Variants in CCDC170 observed in about 807,000 individuals in gnomAD.
The protein encoded by CCDC170 is coiled-coil domain containing 170.
A neutral mutation model predicts 72.6 loss-of-function variants in CCDC170; 69 were observed. The observed-to-expected ratio is 0.95, with a 90% CI of 0.78 to 1.16. The LOEUF is 1.16. Ranked by LOEUF, CCDC170 falls within the 50% of genes most tolerant of loss-of-function variation. The pLI is 0.00. For synonymous variants in CCDC170, 300 were observed against 303.9 expected (o/e 0.99, Z 0.13); for missense variants, 852 against 832.5 (o/e 1.02, Z -0.29).
At chr6:151,547,786 C>T (rs1419493104) in intron 4 of CCDC170, among the ~76,000 whole-genome samples, 1 of 152,194 alleles carries the variant, frequency 6.6e-6, no homozygotes, top group Non-Finnish European at 1.5e-5. Context: ...CAATGCACAA[C>T]ATAGTGAGCA....
At chr6:151,513,613 C>CAAAAA (rs71014591) in intron 1 of CCDC170, among the ~76,000 whole-genome samples, 2 of 46,010 alleles carry the variant, frequency 4.3e-5, no homozygotes, top group Non-Finnish European at 7.4e-5. Context: ...GGCTCCGTCT[C>CAAAAA]AAAAAAAAAA....
At chr6:151,538,495 A>G (rs1046671055) in intron 3 of CCDC170, among the ~76,000 whole-genome samples, 194 bp downstream of exon 3, 2 of 152,222 alleles carry the variant, frequency 1.3e-5, no homozygotes. Context: ...AATGTCATCA[A>G]GAGTCTTAAC....
intron 1 of CCDC170, among the ~76,000 whole-genome samples, chr6:151,517,526 G>A (rs182638774): frequency 6.3e-4 from 95 of 150,442 alleles, no homozygotes; most frequent in African/African-American, 2.2e-3. Context: ...TCTGCCTCCT[G>A]GGTTCAAGCA....
chr6:151,537,534 T>G (rs1562275061), intron 2 of CCDC170, among the ~76,000 whole-genome samples: 1 of 152,082 alleles, frequency 6.6e-6, no homozygotes, highest in Non-Finnish European at 1.5e-5. Flanking sequence ...TCTTTTCTCC[T>G]ATGTTTTTTT....
Position 151,536,441 on chromosome 6 carries a change from T to G in CCDC170, c.181T>G (p.Ser61Ala), listed in dbSNP as rs749422970. ...TTTGGTCAAATTTGAATGTGCTCAG[T>G]CTGAGGTAAGATAATGCATTTCCAG... ...ATLVKFECAQ[S>A]ELQDLRSKML... Residue 61 changes from serine (S) to alanine (A), a missense_variant, in exon 2 of 11, where the codon TCT becomes GCT. Transcript: ENST00000239374. 1.2e-5 allele frequency: 20 copies of G among 1,613,848 alleles called. No homozygotes were observed. Among genetic ancestry groups the G allele is most frequent in the Non-Finnish European group, 1.6e-5 (19 of 1,179,942 alleles).
intron 5 of CCDC170, among the ~76,000 whole-genome samples, chr6:151,549,983 A>G (rs995431231): frequency 2.6e-5 from 4 of 152,010 alleles, no homozygotes; most frequent in Admixed American, 2.0e-4. Context: ...GCCAAAGGAC[A>G]TGGACCTTGT....
chr6:151,612,572 C>G (rs1012935696), intron 9 of CCDC170, among the ~76,000 whole-genome samples: 1 of 152,148 alleles, frequency 6.6e-6, no homozygotes, highest in Non-Finnish European at 1.5e-5. Flanking sequence ...TTTCCTGCAG[C>G]CTAGTTAGCA....
In CCDC170 at chr6:151,518,282, T is replaced by G. The variant is rs527953250; in HGVS notation, c.58-18036T>G. On this transcript the variant is annotated intron_variant, in intron 1 of 10. Coordinates refer to ENST00000239374, the MANE Select transcript of CCDC170 (RefSeq NM_025059.4). ...TCTGTGCACTTTCTAAGCCAGCCCA[T>G]CTCCAGGGGGTGGGATCTTGGAGAA... Among the ~76,000 whole-genome samples the G allele has an allele frequency of 3.8e-4, 58 of 152,242 alleles. No homozygotes were observed. The South Asian group carries it at 0.012, about 31-fold the overall frequency.
intron 5 of CCDC170, among the ~76,000 whole-genome samples, chr6:151,557,135 G>A (rs562346871): frequency 1.6e-4 from 25 of 152,138 alleles, no homozygotes; most frequent in African/African-American, 5.3e-4. Flanking sequence ...CAGGCCTGGC[G>A]CAGAGGCTCA....
chr6:151,544,655 G>C lies in CCDC170; in HGVS notation c.527G>C (p.Arg176Pro), dbSNP rs185152535. The C allele has an allele frequency of 1.9e-5, 30 of 1,613,564 alleles. No individual in the cohort carries two copies. Among genetic ancestry groups the C allele is most frequent in the Non-Finnish European group, 2.4e-5 (28 of 1,179,676 alleles). The change falls in exon 4 of 11, where the codon CGT (arginine) becomes CCT (proline). Residue 176 changes from arginine to proline, a missense_variant. Coordinates refer to ENST00000239374, the MANE Select transcript of CCDC170 (RefSeq NM_025059.4). ...RKHEEFLTQL[R>P]DCLDPDERND... ...CATGAGGAATTTCTGACTCAACTGC[G>C]TGACTGCTTGGATCCAGATGAGAGG...
intron 7 of CCDC170, among the ~76,000 whole-genome samples, chr6:151,591,005 T>C (rs939568018): frequency 1.3e-5 from 2 of 152,238 alleles, no homozygotes; most frequent in Non-Finnish European, 1.5e-5. Flanking sequence ...TATGGTATTG[T>C]AGCACAATGC....
chr6:151,534,368 TA>T (rs111382775), intron 1 of CCDC170, among the ~76,000 whole-genome samples: 7,289 of 145,706 alleles, frequency 0.05, 502 homozygotes, highest in African/African-American at 0.16. Context: ...CTTCTTTTCT[TA>T]AAAAAAAAAA....
intron 1 of CCDC170, among the ~76,000 whole-genome samples, chr6:151,505,565 C>T (rs1192129606): frequency 6.6e-6 from 1 of 151,904 alleles, no homozygotes; most frequent in African/African-American, 2.4e-5. Flanking sequence ...GTGCCTGCAG[C>T]CCCAGCTACC....
intron 9 of CCDC170, among the ~76,000 whole-genome samples, chr6:151,600,740 T>C (rs1776693676): frequency 1.3e-5 from 2 of 152,162 alleles, no homozygotes; most frequent in Admixed American, 1.3e-4. Flanking sequence ...ATGAGAAATA[T>C]TTACATGCCA....
chr6:151,518,112 A>G (rs1583006440), intron 1 of CCDC170, among the ~76,000 whole-genome samples: 1 of 152,270 alleles, frequency 6.6e-6, no homozygotes, highest in African/African-American at 2.4e-5. Context: ...ATGTCCCAGA[A>G]CAGCCACAGA....
intron 1 of CCDC170, among the ~76,000 whole-genome samples, chr6:151,526,837 G>C (rs1782418395): frequency 6.6e-6 from 1 of 152,064 alleles, no homozygotes; most frequent in African/African-American, 2.4e-5. Flanking sequence ...GGGAGCAAGA[G>C]TGTTAAGAAT....
chr6:151,543,907 T>A (rs959969803), intron 3 of CCDC170, among the ~76,000 whole-genome samples: 1 of 152,184 alleles, frequency 6.6e-6, no homozygotes, highest in Non-Finnish European at 1.5e-5. Flanking sequence ...TTTGCTATTA[T>A]GAATAGAACT....
At chr6:151,585,257 T>C (rs536283689) in intron 6 of CCDC170, among the ~76,000 whole-genome samples, 1 of 152,292 alleles carries the variant, frequency 6.6e-6, no homozygotes, top group African/African-American at 2.4e-5. Context: ...CTCTTGTACA[T>C]TGACACTGAC....
chr6:151,545,626 T>G (rs1186479844), intron 4 of CCDC170, among the ~76,000 whole-genome samples: 2 of 152,208 alleles, frequency 1.3e-5, no homozygotes, highest in East Asian at 1.9e-4. Flanking sequence ...TGTTGTTTTT[T>G]TTTTTTGTTT....
Sources: allele counts gnomAD v4.1 joint callset (sites outside exome capture counted in the v4.1 genomes callset), GRCh38; gene constraint gnomAD v4.1.1; transcripts MANE v1.5; gene names NCBI Gene and HGNC (gene_info 2026-07-23, HGNC 2026-07-21).